CADM2: variants seen among roughly 807,000 people sequenced by gnomAD.
CADM2 encodes immunoglobulin superfamily member 4D.
In CADM2, 12 loss-of-function variants were observed where a neutral mutation model predicts 49.8. The observed-to-expected ratio is 0.24, with a 90% confidence interval of 0.15 to 0.39. CADM2 has a LOEUF of 0.39. Among genes scored for constraint, CADM2 ranks in the 10% least tolerant of loss-of-function variants. The probability of loss-of-function intolerance (pLI) is 1.00; values close to 1 mark genes in which losing one functional copy is unlikely to be tolerated. For synonymous variants in CADM2, 214 were observed against 175.4 expected (o/e 1.22, Z -1.74); for missense variants, 378 against 492.3 (o/e 0.77, Z 2.20).
chr3:85,404,430 C>T (rs192875772), intron 1 of CADM2, among the ~76,000 whole-genome samples: 20 of 151,724 alleles, frequency 1.3e-4, no homozygotes, highest in African/African-American at 4.8e-4. Flanking sequence ...ACTGAGACTC[C>T]AGAAAAAAAA....
At chr3:85,545,838 G>C (rs566881167) in intron 1 of CADM2, among the ~76,000 whole-genome samples, 1 of 152,210 alleles carries the variant, frequency 6.6e-6, no homozygotes, top group Admixed American at 6.5e-5. Flanking sequence ...ATGTCAGGTT[G>C]GATGAAGAAG....
chr3:85,790,223 T>C (rs1290365338), intron 2 of CADM2, among the ~76,000 whole-genome samples: 1 of 152,182 alleles, frequency 6.6e-6, no homozygotes, highest in Non-Finnish European at 1.5e-5. Context: ...GACAATGATG[T>C]TATGTTTCAC....
chr3:85,474,620 C>G (rs1374166565), intron 1 of CADM2, among the ~76,000 whole-genome samples: 1 of 151,776 alleles, frequency 6.6e-6, no homozygotes, highest in Admixed American at 6.6e-5. Flanking sequence ...ATTATTTCCT[C>G]AAATTACATG....
chr3:85,366,784 T>C (rs1262726107), intron 1 of CADM2, among the ~76,000 whole-genome samples: 1 of 152,110 alleles, frequency 6.6e-6, no homozygotes, highest in African/African-American at 2.4e-5. Context: ...TAATTAATAT[T>C]CTCACTGTAT....
intron 1 of CADM2, among the ~76,000 whole-genome samples, chr3:85,635,370 A>G (rs1484001953): frequency 6.6e-6 from 1 of 152,154 alleles, no homozygotes; most frequent in Non-Finnish European, 1.5e-5. Context: ...AAGTGGGTAA[A>G]AAATACTCTT....
intron 1 of CADM2, among the ~76,000 whole-genome samples, chr3:85,349,214 G>A (rs1310778177): frequency 2.0e-5 from 3 of 152,112 alleles, no homozygotes; most frequent in Admixed American, 6.5e-5. Context: ...CAGCCTCTCC[G>A]CGTTTATTAA....
At chr3:85,410,307 C>T (rs1042710592) in intron 1 of CADM2, among the ~76,000 whole-genome samples, 11 of 152,190 alleles carry the variant, frequency 7.2e-5, no homozygotes, top group Non-Finnish European at 1.6e-4. Context: ...TCATGCTAAA[C>T]TAATCTAGTG....
chr3:85,131,707 A>T (rs548268983), intron 1 of CADM2, among the ~76,000 whole-genome samples: 1 of 152,312 alleles, frequency 6.6e-6, no homozygotes, highest in African/African-American at 2.4e-5. Flanking sequence ...TTGAAAAGTG[A>T]CTATTCCTTT....
intron 1 of CADM2, among the ~76,000 whole-genome samples, chr3:84,997,315 A>G (rs1028554913): frequency 6.6e-6 from 1 of 152,124 alleles, no homozygotes; most frequent in African/African-American, 2.4e-5. Context: ...TTTAGATGAC[A>G]GAGAACATAA....
At chr3:85,725,814 AT>A (rs1470973370) in intron 1 of CADM2, among the ~76,000 whole-genome samples, 16 of 151,980 alleles carry the variant, frequency 1.1e-4, no homozygotes, top group African/African-American at 3.6e-4. Flanking sequence ...GAATCATATA[AT>A]TTTTATTTGG....
intron 1 of CADM2, among the ~76,000 whole-genome samples, chr3:85,475,874 C>G (rs1248566338): frequency 6.6e-6 from 1 of 151,790 alleles, no homozygotes; most frequent in Non-Finnish European, 1.5e-5. Flanking sequence ...CAATTAAAAT[C>G]AATTGATATA....
At chr3:85,740,481 A>T (rs1033912078) in intron 2 of CADM2, among the ~76,000 whole-genome samples, 1 of 152,130 alleles carries the variant, frequency 6.6e-6, no homozygotes, top group Non-Finnish European at 1.5e-5. Flanking sequence ...TGTTATTTGG[A>T]AGGCCTTAAT....
chr3:85,558,572 A>G (rs1330510027), intron 1 of CADM2, among the ~76,000 whole-genome samples: 2 of 152,110 alleles, frequency 1.3e-5, no homozygotes, highest in African/African-American at 2.4e-5. Context: ...ATTTTTCAAA[A>G]TAACATTTTC....
At chr3:86,046,246 T>C (rs1203521473) in intron 8 of CADM2, among the ~76,000 whole-genome samples, 1 of 152,226 alleles carries the variant, frequency 6.6e-6, no homozygotes, top group Admixed American at 6.5e-5. Flanking sequence ...ATATTTTGTT[T>C]ACATGTGCCT....
intron 1 of CADM2, among the ~76,000 whole-genome samples, chr3:85,261,674 C>T (rs2043016390): frequency 6.6e-6 from 1 of 151,918 alleles, no homozygotes. Flanking sequence ...GCTTAACAGC[C>T]ACTAATTCTT....
chr3:86,013,440 T>C (rs1731804673), intron 8 of CADM2: 1 of 1,579,902 alleles, frequency 6.3e-7, no homozygotes, highest in Non-Finnish European at 8.7e-7. Flanking sequence ...CCTAGATAAC[T>C]TTCAAGCACT....
At chr3:85,425,099 G>A (rs951100407) in intron 1 of CADM2, among the ~76,000 whole-genome samples, 23 of 152,202 alleles carry the variant, frequency 1.5e-4, no homozygotes, top group Non-Finnish European at 2.5e-4. Flanking sequence ...AAGAGGTCAC[G>A]AACATATTCT....
chr3:85,252,931 T>C (rs550539279), intron 1 of CADM2, among the ~76,000 whole-genome samples: 153 of 152,172 alleles, frequency 1.0e-3, no homozygotes, highest in African/African-American at 3.5e-3. Context: ...TTGCAAATTG[T>C]ATGATTTTAT....
intron 1 of CADM2, among the ~76,000 whole-genome samples, chr3:85,302,313 T>G (rs1208923063): frequency 1.3e-5 from 2 of 152,046 alleles, no homozygotes; most frequent in Non-Finnish European, 2.9e-5. Flanking sequence ...TCCCAGACTT[T>G]GAGGTAAATT....
Sources: gnomAD v4.1 joint callset for allele counts (sites outside exome capture counted in the v4.1 genomes callset) on GRCh38, gnomAD v4.1.1 for gene constraint, MANE v1.5 for transcripts, NCBI Gene and HGNC (gene_info 2026-07-23, HGNC 2026-07-21) for gene names.